KIF6: variants seen among roughly 807,000 people sequenced by gnomAD.
KIF6 encodes the protein kinesin family member 6.
KIF6 carries 106 observed loss-of-function variants against 112.7 expected under a neutral mutation model. That is an observed-to-expected ratio of 0.94 (90% CI 0.80 to 1.11). The LOEUF (loss-of-function observed/expected upper bound fraction) is 1.11, where lower values mean the gene tolerates loss of function less well. Among genes scored for constraint, KIF6 ranks in the 50% least tolerant of loss-of-function variants. The pLI is 0.00. For missense variants in KIF6, 929 were observed against 964.0 expected (o/e 0.96, Z 0.48); for synonymous variants, 339 against 339.9 (o/e 1.00, Z 0.03).
At chr6:39,586,581 G>T (rs1781652650) in intron 7 of KIF6, among the ~76,000 whole-genome samples, 177 bp from the exon 8 acceptor site, 1 of 152,194 alleles carries the variant, frequency 6.6e-6, no homozygotes, top group African/African-American at 2.4e-5. Flanking sequence ...ACAAGATGGT[G>T]AAGACTGAAT....
chr6:39,538,731 G>A (rs1406424400), intron 13 of KIF6, among the ~76,000 whole-genome samples: 3 of 150,134 alleles, frequency 2.0e-5, no homozygotes, highest in Non-Finnish European at 4.4e-5. Flanking sequence ...ATACCCAAAG[G>A]ACTATAAATC....
At chr6:39,416,150 G>A (rs1335819398) in intron 15 of KIF6, among the ~76,000 whole-genome samples, 4 of 152,206 alleles carry the variant, frequency 2.6e-5, no homozygotes, top group Non-Finnish European at 5.9e-5. Flanking sequence ...GGACTAGTCT[G>A]GAGTGGGCCT....
chr6:39,635,299 A>G (rs1784569209), intron 4 of KIF6, among the ~76,000 whole-genome samples: 1 of 152,146 alleles, frequency 6.6e-6, no homozygotes, highest in Admixed American at 6.6e-5. Flanking sequence ...AAAAAAGGTT[A>G]CTAAAAAAAA....
chr6:39,705,773 C>A (rs565825785), intron 3 of KIF6, among the ~76,000 whole-genome samples: 31 of 152,262 alleles, frequency 2.0e-4, no homozygotes, highest in Admixed American at 2.0e-3. Context: ...CTAACAGTTC[C>A]CCAGTGGGTA....
intron 15 of KIF6, among the ~76,000 whole-genome samples, chr6:39,403,257 G>C (rs1768837980): frequency 6.6e-6 from 1 of 152,106 alleles, no homozygotes; most frequent in Non-Finnish European, 1.5e-5. Context: ...ACATAGATTT[G>C]TGTAGCCACC....
intron 13 of KIF6, among the ~76,000 whole-genome samples, chr6:39,482,678 T>C (rs1774870713): frequency 6.6e-6 from 1 of 152,238 alleles, no homozygotes; most frequent in Non-Finnish European, 1.5e-5. Flanking sequence ...AATTTGATGT[T>C]AGCAATGGCC....
chr6:39,457,697 C>G (rs1266474332), intron 13 of KIF6, among the ~76,000 whole-genome samples: 2 of 151,966 alleles, frequency 1.3e-5, no homozygotes, highest in Admixed American at 1.3e-4. Context: ...ATATCACCAC[C>G]GATCCCACAG....
At chr6:39,410,951 AC>A (rs1311930885) in intron 15 of KIF6, among the ~76,000 whole-genome samples, 3 of 152,182 alleles carry the variant, frequency 2.0e-5, no homozygotes, top group African/African-American at 7.2e-5. Flanking sequence ...AGTTTCCTGG[AC>A]CAGAGGTGGG....
At chr6:39,665,179 T>C (rs1448119052) in intron 3 of KIF6, among the ~76,000 whole-genome samples, 2 of 152,186 alleles carry the variant, frequency 1.3e-5, no homozygotes, top group Non-Finnish European at 2.9e-5. Context: ...ACGAAATTGA[T>C]GGAAAACCAT....
rs147887165 is a variant in KIF6, at chr6:39,419,920, A to G, written c.1810+28T>C. On this transcript the variant is annotated intron_variant, in intron 15 of 22. Coordinates refer to ENST00000287152, the MANE Select transcript of KIF6 (RefSeq NM_145027.6). The stretch of plus-strand genomic sequence containing the variant: ...TTTCACCAGGAAAATGGTTTCTGAA[A>G]GAGGCTCACAGAATATCATCTGCTT... The G allele has an allele frequency of 5.7e-6, 9 of 1,588,170 alleles. No homozygotes were observed. In the Admixed American group the frequency reaches 1.5e-4, roughly 26 times the overall value.
At chr6:39,560,498 TATTG>T (rs1488358859) in intron 10 of KIF6, among the ~76,000 whole-genome samples, 2 of 152,218 alleles carry the variant, frequency 1.3e-5, no homozygotes, top group African/African-American at 2.4e-5. Context: ...GCTTTGCTCA[TATTG>T]ATTCCTCTAT....
intron 6 of KIF6, among the ~76,000 whole-genome samples, chr6:39,604,238 T>C (rs1227785099): frequency 6.6e-6 from 1 of 152,194 alleles, no homozygotes; most frequent in African/African-American, 2.4e-5. Flanking sequence ...AGGTTAAACC[T>C]CACCCTTAAT....
intron 13 of KIF6, among the ~76,000 whole-genome samples, chr6:39,489,832 A>G (rs566416141): frequency 6.6e-6 from 1 of 152,344 alleles, no homozygotes; most frequent in Non-Finnish European, 1.5e-5. Context: ...GGTCTTCTTT[A>G]GAGCAGCGCA....
intron 13 of KIF6, among the ~76,000 whole-genome samples, chr6:39,435,021 T>A (rs1484210210): frequency 6.6e-6 from 1 of 152,178 alleles, no homozygotes; most frequent in Non-Finnish European, 1.5e-5. Flanking sequence ...AATAAGTTCA[T>A]TTTATAGATG....
intron 10 of KIF6, among the ~76,000 whole-genome samples, chr6:39,551,210 G>A (rs903323502): frequency 6.6e-6 from 1 of 152,106 alleles, no homozygotes; most frequent in African/African-American, 2.4e-5. Context: ...TAGAAATGGA[G>A]GATATTATGT....
chr6:39,391,735 G>A (rs1236879876), intron 15 of KIF6, among the ~76,000 whole-genome samples: 4 of 152,226 alleles, frequency 2.6e-5, no homozygotes, highest in African/African-American at 9.6e-5. Context: ...AAGTTCAATA[G>A]TTGGAACATG....
At chr6:39,709,487 C>A (rs1789410436) in intron 3 of KIF6, among the ~76,000 whole-genome samples, 1 of 152,208 alleles carries the variant, frequency 6.6e-6, no homozygotes, top group Non-Finnish European at 1.5e-5. Context: ...CTCCCTCCAC[C>A]AGCACTCACC....
rs529460194 is a variant in KIF6, at chr6:39,460,316, T to C, written c.1646-29155A>G. 1.8e-3 allele frequency among the ~76,000 whole-genome samples: 204 copies of C among 111,294 alleles called. 1 individual carries two copies. The highest frequency in any genetic ancestry group is 6.7e-3 in the African/African-American group (178 of 26,408). 73.0% of individuals were successfully genotyped at this position (111,294 alleles called of 152,430 possible). A position where few individuals can be genotyped will look rare whatever the true frequency, so the allele number is the denominator to read the frequency against. ...GCATATTCTCACTCATAGGTGGGAA[T>C]TGAACAATGAGATCACATGGACACA... is the stretch of plus-strand genomic sequence containing the variant. On this transcript the variant is annotated intron_variant, in intron 13 of 22. Coordinates refer to ENST00000287152, the MANE Select transcript of KIF6 (RefSeq NM_145027.6).
chr6:39,360,613 G>C, intron 17 of KIF6, 83 bp from the exon 18 acceptor site: 18 of 1,528,602 alleles, frequency 1.2e-5, no homozygotes, highest in Non-Finnish European at 1.6e-5. Flanking sequence ...AATGGGGCCC[G>C]TGCCTCAGAA....
Sources: allele counts gnomAD v4.1 joint callset (sites outside exome capture counted in the v4.1 genomes callset), GRCh38; gene constraint gnomAD v4.1.1; transcripts MANE v1.5; gene names NCBI Gene and HGNC (gene_info 2026-07-23, HGNC 2026-07-21).